Variants in NHSL1 observed in about 807,000 individuals in gnomAD.
The protein encoded by NHSL1 is NHS like 1.
Under a neutral mutation model 95.0 loss-of-function variants are expected in NHSL1, and 48 were observed. That is an observed-to-expected ratio of 0.51 (90% confidence interval 0.40 to 0.64). The LOEUF (loss-of-function observed/expected upper bound fraction) is 0.64. NHSL1 is among the 30% of genes least tolerant of loss of function. The probability of loss-of-function intolerance (pLI) is 0.00; values close to 1 mark genes in which losing one functional copy is unlikely to be tolerated. For missense variants in NHSL1, 1,971 were observed against 2,077.7 expected (o/e 0.95, Z 1.00); for synonymous variants, 783 against 833.9 (o/e 0.94, Z 1.05).
At chr6:138,642,421 G>A (rs913912680) in intron 1 of NHSL1, among the ~76,000 whole-genome samples, 3 of 152,170 alleles carry the variant, frequency 2.0e-5, no homozygotes, top group African/African-American at 7.2e-5. Context: ...AGGCAGAGAA[G>A]ATGAAGAACC....
At chr6:138,639,947 C>T (rs1445187080) in intron 1 of NHSL1, among the ~76,000 whole-genome samples, 1 of 144,142 alleles carries the variant, frequency 6.9e-6, no homozygotes, top group Non-Finnish European at 1.5e-5. Flanking sequence ...ATCATAAATA[C>T]CTGATAAAGT....
In NHSL1 at chr6:138,449,094, G is replaced by GTC. The variant is rs560474321; in HGVS notation, c.340-1903_340-1902dup. Among the ~76,000 whole-genome samples the GTC allele has an allele frequency of 1.6e-4, 24 of 150,300 alleles. No homozygotes were observed. In the South Asian group the frequency reaches 5.1e-3, roughly 32 times the overall value. On this transcript the variant is annotated intron_variant, in intron 3 of 7. Coordinates refer to ENST00000343505, the MANE Select transcript of NHSL1 (RefSeq NM_001144060.2). ...AAAAAAATTCAAACACAAGAATACTGTCATCACTGTTTACTGCTACTGCAT... is the reference window on the plus strand; with the variant it reads ...AAAAAAATTCAAACACAAGAATACTGTCTCATCACTGTTTACTGCTACTGCAT...
Position 138,432,015 on chromosome 6 carries a change from G to A in NHSL1, c.2330C>T (p.Thr777Met), listed in dbSNP as rs765314780. The A allele has an allele frequency of 1.7e-5, 27 of 1,551,662 alleles. No homozygotes were observed. The South Asian group carries it at 2.7e-4, about 16-fold the overall frequency. ...GTCAATGTAATAACCCCAGGGGTCCGTGTACTCTGACTTGACGCTGCTTGT... is the reference window on the plus strand; with the variant it reads ...GTCAATGTAATAACCCCAGGGGTCCATGTACTCTGACTTGACGCTGCTTGT... ...SDTSSVKSEY[T>M]DPWGYYIDYT... The change falls in exon 6 of 8, where the codon ACG (threonine) becomes ATG (methionine). Residue 777 changes from threonine (T) to methionine (M), a missense_variant. By Grantham distance (81) the Thr-to-Met change is moderately conservative. This residue lies in a region of NHSL1 where 1,602 missense variants were observed against 1,654.5 expected (regional missense o/e 0.97). Transcript: ENST00000343505. The surrounding 1 kb of genome is among the most constrained non-coding windows in gnomAD (Gnocchi z 4.4).
At position 138,444,463 on chromosome 6, in the gene NHSL1, G is replaced by A. The variant is rs901184618; in HGVS notation, c.533-2349C>T. Among the ~76,000 whole-genome samples, 25 of 152,108 alleles carry A rather than the reference G, an allele frequency of 1.6e-4. No homozygotes were observed. The South Asian group carries it at 2.3e-3, about 14-fold the overall frequency. On this transcript the variant is annotated intron_variant, in intron 4 of 7. Transcript: ENST00000343505. The stretch of plus-strand genomic sequence containing the variant: ...TTTTCCTCCAGTTTTAGAACATGCC[G>A]AGTGCCCACAAGACTATAACTAAAG...
intron 3 of NHSL1, among the ~76,000 whole-genome samples, chr6:138,458,990 G>C (rs1435865329): frequency 1.3e-5 from 2 of 152,042 alleles, no homozygotes; most frequent in Non-Finnish European, 2.9e-5. Flanking sequence ...TCTTATTTGT[G>C]TTCTATAGTT....
intron 7 of NHSL1, among the ~76,000 whole-genome samples, chr6:138,426,113 T>C (rs1405585914): frequency 6.6e-6 from 1 of 152,262 alleles, no homozygotes; most frequent in African/African-American, 2.4e-5. Flanking sequence ...CAACTCAGTC[T>C]GTGTCTCTTA....
At position 138,510,508 on chromosome 6, in the gene NHSL1, C is replaced by A. The variant is rs190339654; in HGVS notation, c.17-14137G>T. ...TTGTCCTAAACTACAGAATACACAG[C>A]AGCAAAATTCTCCAAACAGCAAAAT... On this transcript the variant is annotated intron_variant, in intron 1 of 4. Coordinates refer to the NHSL1 transcript ENST00000342260. 7.2e-3 allele frequency among the ~76,000 whole-genome samples: 1,100 copies of A among 152,248 alleles called. 6 individuals carry two copies. The highest frequency in any genetic ancestry group is 9.3e-3 in the Non-Finnish European group (630 of 68,016).
At chr6:138,690,506 C>G (rs1026166876) in intron 1 of NHSL1, among the ~76,000 whole-genome samples, 13 of 151,356 alleles carry the variant, frequency 8.6e-5, no homozygotes, top group African/African-American at 2.9e-4. Flanking sequence ...TTTGGGAGGT[C>G]GAGGCAGGTG....
chr6:138,465,011 C>T (rs1778266437), intron 3 of NHSL1, among the ~76,000 whole-genome samples: 1 of 149,022 alleles, frequency 6.7e-6, no homozygotes, highest in Non-Finnish European at 1.5e-5. Flanking sequence ...CCTTGCCTGG[C>T]TCTCTTCACT....
At chr6:138,455,457 G>GCTGCAAGGAGCCCCGCCTTCACATGCTCC (rs751863203) in intron 3 of NHSL1, among the ~76,000 whole-genome samples, 44 of 112,668 alleles carry the variant, frequency 3.9e-4, no homozygotes, top group South Asian at 2.5e-3. Flanking sequence ...AAAGAAATGA[G>GCTGCAAGGAGCCCCGCCTTCACATGCTCC]CTGCAAGGAG....
At position 138,593,583 on chromosome 6, in the gene NHSL1, A is replaced by G. The variant is rs550293330; in HGVS notation, c.97-97212T>C. Reference sequence around the variant, plus strand: ...CTTAGCACTCAAAATACTTCCTTTCAACCTACTGTAAAACAACAAACTCAC... The same window carrying G: ...CTTAGCACTCAAAATACTTCCTTTCGACCTACTGTAAAACAACAAACTCAC... On this transcript the variant is annotated intron_variant, in intron 1 of 3. Coordinates refer to the NHSL1 transcript ENST00000491526. 1.0e-4 allele frequency among the ~76,000 whole-genome samples: 16 copies of G among 152,386 alleles called. 1 individual carries two copies. The East Asian group carries it at 3.1e-3, about 29-fold the overall frequency.
chr6:138,546,471 T>C (rs1782806498), upstream of NHSL1, among the ~76,000 whole-genome samples: 2 of 133,338 alleles, frequency 1.5e-5, no homozygotes, highest in African/African-American at 5.9e-5. Context: ...TAGCTGGGCA[T>C]GGTGGCATGC....
chr6:138,669,993 T>C (rs186472634), intron 1 of NHSL1, among the ~76,000 whole-genome samples: 1 of 152,094 alleles, frequency 6.6e-6, no homozygotes, highest in Non-Finnish European at 1.5e-5. Flanking sequence ...TGGTAACATG[T>C]GCCTGTAATC....
intron 1 of NHSL1, among the ~76,000 whole-genome samples, chr6:138,673,019 CTAGATAGATAGGTAGATAGA>C (rs796084487): frequency 0.063 from 7,074 of 111,646 alleles, 557 homozygotes; most frequent in African/African-American, 0.2. Flanking sequence ...TCATAGATAG[CTAGATAGATAGGTAGATAGA>C]TAGATAGATA....
rs935760766 is a variant in NHSL1, at chr6:138,582,392, C to CA, written c.97-86022dup. Reference sequence around the variant, plus strand: ...AGAACAGAAAAAAAAGAGATGGGACCAAAAAAAAAAGAGATGGGACCAAAA... The same window carrying CA: ...AGAACAGAAAAAAAAGAGATGGGACCAAAAAAAAAAAGAGATGGGACCAAAA... On this transcript the variant is annotated intron_variant, in intron 1 of 3. Transcript: ENST00000491526. Among the ~76,000 whole-genome samples, 42 of 139,598 alleles carry CA rather than the reference C, an allele frequency of 3.0e-4. No homozygotes were observed. In the East Asian group the frequency reaches 5.9e-3, roughly 19 times the overall value. 91.6% of individuals were successfully genotyped at this position (139,598 alleles called of 152,430 possible). A position where few individuals can be genotyped will look rare whatever the true frequency, so the allele number is the denominator to read the frequency against.
At chr6:138,433,944 C>A (rs1775895480) in intron 5 of NHSL1, among the ~76,000 whole-genome samples, 1 of 152,036 alleles carries the variant, frequency 6.6e-6, no homozygotes, top group Non-Finnish European at 1.5e-5. Flanking sequence ...TCAGGGTATC[C>A]CTTCAAGATC....
intron 1 of NHSL1, among the ~76,000 whole-genome samples, chr6:138,516,517 T>A (rs1437800625): frequency 6.6e-6 from 1 of 152,072 alleles, no homozygotes; most frequent in African/African-American, 2.4e-5. Context: ...GCTAGAAAAG[T>A]TAAGTCATCA....
At chr6:138,641,622 C>CA (rs771307557) in intron 1 of NHSL1, among the ~76,000 whole-genome samples, 7,050 of 75,058 alleles carry the variant, frequency 0.094, 682 homozygotes, top group African/African-American at 0.25. Flanking sequence ...GACTCCGTCT[C>CA]AAAAAAAAAA....
chr6:138,685,119 T>G (rs1785568991), intron 1 of NHSL1, among the ~76,000 whole-genome samples: 1 of 152,194 alleles, frequency 6.6e-6, no homozygotes, highest in African/African-American at 2.4e-5. Flanking sequence ...TTTGTTAAAT[T>G]TTTTCATTTG....
Sources: allele counts gnomAD v4.1 joint callset (sites outside exome capture counted in the v4.1 genomes callset), GRCh38; gene constraint gnomAD v4.1.1; regional missense constraint gnomAD v4.1.1; non-coding constraint Gnocchi (gnomAD v3.1); transcripts MANE v1.5; gene names NCBI Gene and HGNC (gene_info 2026-07-23, HGNC 2026-07-21).